Variants in SIL1 observed in about 807,000 individuals in gnomAD.
SIL1 encodes the protein nucleotide exchange factor SIL1.
In SIL1, 40 loss-of-function variants were observed where a neutral mutation model predicts 49.1. The ratio of observed to expected loss-of-function variants is 0.81; its 90% confidence interval spans 0.63 to 1.06. The LOEUF is 1.06. Ranked by LOEUF, SIL1 falls within the 50% of genes least tolerant of loss-of-function variation. The probability of loss-of-function intolerance (pLI) is 0.00; values close to 1 mark genes in which losing one functional copy is unlikely to be tolerated. For missense variants in SIL1, 500 were observed against 572.6 expected, an observed-to-expected ratio of 0.87 and a Z score of 1.29; for synonymous variants, 253 against 250.8, an observed-to-expected ratio of 1.01 and a Z score of -0.08.
chr5:139,124,197 C>T (rs569592792), intron 2 of SIL1, among the ~76,000 whole-genome samples: 1 of 152,306 alleles, frequency 6.6e-6, no homozygotes, highest in South Asian at 2.1e-4. Context: ...TCCAGGTAGG[C>T]TGATGTTCAT....
chr5:139,056,659 C>T (rs534374066), intron 3 of SIL1, among the ~76,000 whole-genome samples: 1 of 144,132 alleles, frequency 6.9e-6, no homozygotes, highest in South Asian at 2.1e-4. Flanking sequence ...GGGTCAGCCC[C>T]CCGCCTGGCC....
intron 1 of SIL1, among the ~76,000 whole-genome samples, chr5:139,147,890 G>C (rs993424808): frequency 1.3e-5 from 2 of 152,166 alleles, no homozygotes; most frequent in African/African-American, 4.8e-5. Context: ...GCCCTGGGGA[G>C]CCGTTCCCAG....
At chr5:139,177,211 C>T (rs980516034) in intron 1 of SIL1, among the ~76,000 whole-genome samples, 10 of 151,614 alleles carry the variant, frequency 6.6e-5, no homozygotes, top group Non-Finnish European at 1.5e-4. Flanking sequence ...GGATTATAGG[C>T]GTGAGCCACC....
intron 3 of SIL1, among the ~76,000 whole-genome samples, chr5:139,069,236 T>A (rs779422814): frequency 2.6e-5 from 4 of 151,980 alleles, no homozygotes; most frequent in Non-Finnish European, 5.9e-5. Context: ...TGCAGTGAGC[T>A]ATGATAGCAC....
At chr5:139,093,806 C>T (rs1249919866) in intron 3 of SIL1, 2 of 152,192 alleles carry the variant, frequency 1.3e-5, no homozygotes, top group African/African-American at 4.8e-5. Flanking sequence ...AAGCTCAATA[C>T]ATACTGTGAG....
At chr5:138,993,014 T>G (rs1283298817) in intron 7 of SIL1, among the ~76,000 whole-genome samples, 1 of 152,208 alleles carries the variant, frequency 6.6e-6, no homozygotes, top group Non-Finnish European at 1.5e-5. Context: ...CCCCACAATC[T>G]GTTCTCCCAT....
intron 7 of SIL1, among the ~76,000 whole-genome samples, chr5:138,974,325 A>G (rs1006051200): frequency 1.3e-5 from 2 of 152,110 alleles, no homozygotes; most frequent in Non-Finnish European, 2.9e-5. Context: ...CTTCACTGTC[A>G]TGCCTGTCAC....
At chr5:139,084,283 G>T (rs1290219702) in intron 3 of SIL1, among the ~76,000 whole-genome samples, 2 of 146,234 alleles carry the variant, frequency 1.4e-5, no homozygotes, top group African/African-American at 5.1e-5. Flanking sequence ...CCCATTACTG[G>T]GTATATACCC....
At chr5:139,005,500 G>A (rs1768095800) in intron 7 of SIL1, among the ~76,000 whole-genome samples, 3 of 134,892 alleles carry the variant, frequency 2.2e-5, no homozygotes, top group Non-Finnish European at 4.7e-5. Flanking sequence ...TGTGCACATT[G>A]TGCAGGTTAG....
intron 1 of SIL1, among the ~76,000 whole-genome samples, chr5:139,152,119 G>A (rs375103626): frequency 1.3e-5 from 2 of 152,186 alleles, no homozygotes; most frequent in Non-Finnish European, 2.9e-5. Context: ...CCGCAGGCTC[G>A]GCAATGGTGC....
intron 1 of SIL1, chr5:139,155,477 G>GAA (rs1554136162): frequency 1.3e-5 from 2 of 151,556 alleles, no homozygotes; most frequent in African/African-American, 4.8e-5. Context: ...GAGAGAGAGA[G>GAA]AACGAGCTCT....
chr5:139,106,012 G>A (rs146678614), intron 3 of SIL1, among the ~76,000 whole-genome samples: 76 of 152,346 alleles, frequency 5.0e-4, no homozygotes, highest in African/African-American at 1.7e-3. Flanking sequence ...CAGCATAAGT[G>A]GCTGTGTAGG....
At chr5:139,109,285 G>A (rs1299700828) in intron 3 of SIL1, among the ~76,000 whole-genome samples, 4 of 152,126 alleles carry the variant, frequency 2.6e-5, no homozygotes, top group Non-Finnish European at 5.9e-5. Flanking sequence ...ATTTAACCCA[G>A]TGGGAATCTA....
At chr5:139,143,473 C>T (rs564519099) in intron 1 of SIL1, among the ~76,000 whole-genome samples, 43 of 151,676 alleles carry the variant, frequency 2.8e-4, no homozygotes, top group African/African-American at 8.5e-4. Context: ...TGGGTTCAAG[C>T]GATTCTCATG....
At chr5:139,159,148 C>T (rs1156338945) in intron 1 of SIL1, among the ~76,000 whole-genome samples, 2 of 151,802 alleles carry the variant, frequency 1.3e-5, no homozygotes, top group Non-Finnish European at 2.9e-5. Context: ...AGCACATGCG[C>T]AAAACAGTTT....
chr5:139,020,408 C>T (rs528790055), intron 7 of SIL1, among the ~76,000 whole-genome samples: 7 of 152,340 alleles, frequency 4.6e-5, no homozygotes, highest in East Asian at 1.9e-4. Context: ...CCTGTAACAT[C>T]GTGACCTGCA....
rs906713119 is a variant in SIL1, at chr5:139,139,911, C to T, written c.-10-12058G>A. 8.1e-5 allele frequency among the ~76,000 whole-genome samples: 11 copies of T among 135,560 alleles called. No homozygotes were observed. In the East Asian group the frequency reaches 1.7e-3, roughly 21 times the overall value. The allele number at this position is 135,560 out of a possible 152,430, so 88.9% of individuals were successfully genotyped here. A position where few individuals can be genotyped will look rare whatever the true frequency, so the allele number is the denominator to read the frequency against. On this transcript the variant is annotated intron_variant, in intron 1 of 9. Coordinates refer to ENST00000394817, the MANE Select transcript of SIL1 (RefSeq NM_022464.5). The stretch of plus-strand genomic sequence containing the variant: ...TGGGAGGCTGAGGCAGGTGGATCAC[C>T]CGAGGTCAGGAGTTCAAGACCAGCC...
At chr5:139,052,687 A>G (rs550034627) in intron 3 of SIL1, among the ~76,000 whole-genome samples, 29 of 152,264 alleles carry the variant, frequency 1.9e-4, no homozygotes, top group Non-Finnish European at 3.7e-4. Flanking sequence ...CCGTCTCAAA[A>G]AAAAAAGTTC....
chr5:139,052,901 G>A (rs1468763359), intron 3 of SIL1, among the ~76,000 whole-genome samples: 2 of 152,160 alleles, frequency 1.3e-5, no homozygotes, highest in Non-Finnish European at 2.9e-5. Flanking sequence ...GGGCTGTGGG[G>A]GCTGCTGGCT....
Sources: gnomAD v4.1 joint callset for allele counts (sites outside exome capture counted in the v4.1 genomes callset) on GRCh38, gnomAD v4.1.1 for gene constraint, MANE v1.5 for transcripts, NCBI Gene and HGNC (gene_info 2026-07-23, HGNC 2026-07-21) for gene names.